HLF: variants seen among roughly 807,000 people sequenced by gnomAD.
The protein encoded by HLF is hepatic leukemia factor.
Under a neutral mutation model 22.6 loss-of-function variants are expected in HLF, and 3 were observed. The observed-to-expected ratio is 0.13, with a 90% confidence interval of 0.06 to 0.34. HLF has a LOEUF of 0.34. Among genes scored for constraint, HLF ranks in the 10% least tolerant of loss-of-function variants. The probability of loss-of-function intolerance (pLI) is 1.00; values close to 1 mark genes in which losing one functional copy is unlikely to be tolerated. For synonymous variants in HLF, 151 were observed against 151.8 expected (o/e 0.99, Z 0.04); for missense variants, 299 against 389.2 (o/e 0.77, Z 1.95).
At chr17:55,317,565 A>G (rs1905118637) in intron 3 of HLF, among the ~76,000 whole-genome samples, 4 of 152,216 alleles carry the variant, frequency 2.6e-5, no homozygotes, top group Admixed American at 2.0e-4. Context: ...GGGCAGGAAC[A>G]TTGTCCTGCC....
At position 55,323,980 on chromosome 17, in the gene HLF, A is replaced by G. The variant is rs78875329; in HGVS notation, c.*3101A>G. ...GTTGTTTCTTTTAACTAGACTTGGC[A>G]AAGAAAGGCAAAAATTGACCAGCCT... is the stretch of plus-strand genomic sequence containing the variant. On this transcript the variant is annotated 3_prime_UTR_variant, in exon 4 of 4. Coordinates refer to ENST00000226067, the MANE Select transcript of HLF (RefSeq NM_002126.5). 0.018 allele frequency: 4,028 copies of G among 229,240 alleles called. 129 individuals are homozygous for G. The highest frequency in any genetic ancestry group is 0.075 in the African/African-American group (3,396 of 45,148). The allele number at this position is 229,240 out of a possible 1,614,324, so 14.2% of individuals were successfully genotyped here.
intron 2 of HLF, among the ~76,000 whole-genome samples, chr17:55,279,340 C>G (rs1054953770): frequency 2.0e-5 from 3 of 152,142 alleles, no homozygotes; most frequent in African/African-American, 4.8e-5. Flanking sequence ...CTTTGAACCT[C>G]TCACTTGCCT....
rs527999795 is a variant in HLF, at chr17:55,316,783, T to A, written c.672+1336T>A. ...AAATCAATGGCTGTCACCCTGAGAATCAAAAAAGGAAATCACATGGTAAAA... is the reference window on the plus strand; with the variant it reads ...AAATCAATGGCTGTCACCCTGAGAAACAAAAAAGGAAATCACATGGTAAAA... On this transcript the variant is annotated intron_variant, in intron 3 of 3. Coordinates refer to ENST00000226067, the MANE Select transcript of HLF (RefSeq NM_002126.5). Among the ~76,000 whole-genome samples, 142 of 151,514 alleles carry A rather than the reference T, an allele frequency of 9.4e-4. 1 individual carries two copies. Among genetic ancestry groups the A allele is most frequent in the Non-Finnish European group, 2.5e-4 (17 of 67,840 alleles).
intron 2 of HLF, among the ~76,000 whole-genome samples, chr17:55,292,863 A>G (rs2145334668): frequency 6.6e-6 from 1 of 152,332 alleles, no homozygotes. Flanking sequence ...ATTGGAGGTC[A>G]TTTATGTTAA....
chr17:55,265,910 G>A, intron 1 of HLF: 2 of 1,069,402 alleles, frequency 1.9e-6, no homozygotes, highest in Non-Finnish European at 2.3e-6. Context: ...CCTAGAACGA[G>A]GCACACCCGC....
intron 2 of HLF, among the ~76,000 whole-genome samples, chr17:55,297,433 G>A (rs988867110): frequency 6.6e-6 from 1 of 152,154 alleles, no homozygotes; most frequent in Admixed American, 6.5e-5. Context: ...AACTGGAAGT[G>A]TCTCTTTTCC....
intron 2 of HLF, among the ~76,000 whole-genome samples, chr17:55,300,854 G>A (rs1003354581): frequency 6.6e-6 from 1 of 152,108 alleles, no homozygotes; most frequent in South Asian, 2.1e-4. Flanking sequence ...TAATTGCATC[G>A]ATAGTTCCCC....
Position 55,268,020 on chromosome 17 carries a change from C to G in HLF, c.385C>G (p.Arg129Gly). Residue 129 changes from arginine (R) to glycine (G), a missense_variant, in exon 2 of 4, where the codon CGG (arginine) becomes GGG (glycine). Arg to Gly is a moderately radical substitution (Grantham distance 125, BLOSUM62 -2). Around this residue, in one of 3 missense-constraint regions of HLF, gnomAD observed 224 missense variants for 298.1 expected, o/e 0.75. Transcript: ENST00000226067. ...AAPSVMDLSS[R>G]ASAPLHPGIP... is the part of the protein sequence containing the mutation. ...CCCCTCGGTCATGGACCTCAGCAGCCGGGCCTCTGCACCCCTTCACCCTGG... is the reference window on the plus strand; with the variant it reads ...CCCCTCGGTCATGGACCTCAGCAGCGGGGCCTCTGCACCCCTTCACCCTGG... 1 of 1,611,270 alleles carries G rather than the reference C, an allele frequency of 6.2e-7. No individual in the cohort carries two copies. Among genetic ancestry groups the G allele is most frequent in the Non-Finnish European group, 8.5e-7 (1 of 1,178,562 alleles).
intron 2 of HLF, among the ~76,000 whole-genome samples, chr17:55,307,263 C>A (rs375466985): frequency 6.9e-4 from 102 of 148,490 alleles, no homozygotes; most frequent in African/African-American, 2.5e-3. Context: ...AGGTGATTCT[C>A]CTGCCTCAGC....
At chr17:55,319,877 T>A (rs1295388997) in intron 3 of HLF, among the ~76,000 whole-genome samples, 1 of 152,198 alleles carries the variant, frequency 6.6e-6, no homozygotes, top group African/African-American at 2.4e-5. Flanking sequence ...AGTATAAATC[T>A]TTTTGCGCCT....
intron 2 of HLF, among the ~76,000 whole-genome samples, chr17:55,288,133 C>T (rs935943206): frequency 3.3e-5 from 5 of 152,016 alleles, no homozygotes; most frequent in African/African-American, 7.2e-5. Context: ...GACTGTTTCA[C>T]TATTTTCTTT....
chr17:55,267,043 C>G (rs1405621875), intron 1 of HLF, among the ~76,000 whole-genome samples: 1 of 152,144 alleles, frequency 6.6e-6, no homozygotes, highest in African/African-American at 2.4e-5. Context: ...TCAGTGTGCC[C>G]CAGTGGCTTT....
chr17:55,285,656 A>G (rs2080997263), intron 2 of HLF, among the ~76,000 whole-genome samples: 1 of 152,146 alleles, frequency 6.6e-6, no homozygotes, highest in Non-Finnish European at 1.5e-5. Context: ...TCTTGCAGTC[A>G]CGTGGAGAGA....
chr17:55,305,081 C>A (rs2145355492), intron 2 of HLF, among the ~76,000 whole-genome samples: 1 of 152,306 alleles, frequency 6.6e-6, no homozygotes, highest in South Asian at 2.1e-4. Context: ...ATACAGACCT[C>A]CCCCAAGAAG....
intron 2 of HLF, among the ~76,000 whole-genome samples, chr17:55,287,744 T>C (rs77918928): frequency 0.032 from 4,880 of 152,310 alleles, 124 homozygotes; most frequent in African/African-American, 0.075. Context: ...GAAGTCCATC[T>C]TCCAAACTCC....
rs1322961916 is a variant in HLF at position 55,321,689 on chromosome 17, C to T, written c.*810C>T. ...TTTCCCTACCTAAGAATTTCACTGTCTTTTAAAAAACAAAAAGTAAAGTAA... is the reference window on the plus strand; with the variant it reads ...TTTCCCTACCTAAGAATTTCACTGTTTTTTAAAAAACAAAAAGTAAAGTAA... On this transcript the variant is annotated 3_prime_UTR_variant, in exon 4 of 4. Coordinates refer to ENST00000226067, the MANE Select transcript of HLF (RefSeq NM_002126.5). 8.7e-6 allele frequency: 2 copies of T among 228,832 alleles called. No individual in the cohort carries two copies. The highest frequency in any genetic ancestry group is 5.7e-5 in the Admixed American group (1 of 17,586). The allele number at this position is 228,832 out of a possible 1,614,324, so 14.2% of individuals were successfully genotyped here. A position where few individuals can be genotyped will look rare whatever the true frequency, so the allele number is the denominator to read the frequency against.
In HLF at chr17:55,320,557, G is replaced by T; in HGVS notation, c.673-107G>T. 1.1e-6 allele frequency: 1 copy of T among 877,010 alleles called. No individual in the cohort carries two copies. 54.3% of individuals were successfully genotyped at this position (877,010 alleles called of 1,614,324 possible). A position where few individuals can be genotyped will look rare whatever the true frequency, so the allele number is the denominator to read the frequency against. ...AGGAGACACAAGCTAAGAAACCCGG[G>T]CTGGCACCTCTGCACAATCCTGGAG... is the stretch of plus-strand genomic sequence containing the variant. On this transcript the variant is annotated intron_variant, in intron 3 of 3. Coordinates refer to ENST00000226067, the MANE Select transcript of HLF (RefSeq NM_002126.5). The surrounding 1 kb of genome is among the most constrained non-coding windows in gnomAD (Gnocchi z 4.2).
chr17:55,308,155 G>T (rs974576179), intron 2 of HLF, among the ~76,000 whole-genome samples: 3 of 152,222 alleles, frequency 2.0e-5, no homozygotes, highest in Middle Eastern at 3.2e-3. Flanking sequence ...ACCCACACGG[G>T]TCTGCATGTT....
chr17:55,320,971 C>A lies in HLF; in HGVS notation c.*92C>A. ...CGCAAACCAACCTTTCTGACATCAG[C>A]ACTTTACCAGAGGCATAAACACAAC... On this transcript the variant is annotated 3_prime_UTR_variant, in exon 4 of 4. Coordinates refer to ENST00000226067, the MANE Select transcript of HLF (RefSeq NM_002126.5). This position sits in a 1 kb window ranked among gnomAD's most constrained non-coding sequence, Gnocchi z 4.2. The A allele has an allele frequency of 1.0e-6, 1 of 974,454 alleles. No individual in the cohort carries two copies. The highest frequency in any genetic ancestry group is 1.6e-6 in the Non-Finnish European group (1 of 642,544). The allele number at this position is 974,454 out of a possible 1,614,324, so 60.4% of individuals were successfully genotyped here. A position where few individuals can be genotyped will look rare whatever the true frequency, so the allele number is the denominator to read the frequency against.
Sources: allele counts gnomAD v4.1 joint callset (sites outside exome capture counted in the v4.1 genomes callset), GRCh38; gene constraint gnomAD v4.1.1; regional missense constraint gnomAD v4.1.1; non-coding constraint Gnocchi (gnomAD v3.1); transcripts MANE v1.5; gene names NCBI Gene and HGNC (gene_info 2026-07-23, HGNC 2026-07-21).